Variants in LUZP2 observed in about 807,000 individuals in gnomAD.
LUZP2 encodes leucine zipper protein 2.
LUZP2 carries 52 observed loss-of-function variants against 51.6 expected under a neutral mutation model. The observed-to-expected ratio is 1.01, with a 90% CI of 0.81 to 1.27. LUZP2 has a LOEUF of 1.27. Ranked by LOEUF, LUZP2 falls within the 50% of genes most tolerant of loss-of-function variation. The pLI is 0.00. For synonymous variants in LUZP2, 154 were observed against 137.3 expected (o/e 1.12, Z -0.85); for missense variants, 436 against 395.4 (o/e 1.10, Z -0.87).
intron 1 of LUZP2, among the ~76,000 whole-genome samples, chr11:24,498,029 G>A (rs1485724658): frequency 6.6e-6 from 1 of 152,166 alleles, no homozygotes; most frequent in Non-Finnish European, 1.5e-5. Flanking sequence ...TATTTTTGGT[G>A]GAGATTTAAA....
chr11:24,498,224 A>C (rs1237302027), intron 1 of LUZP2, among the ~76,000 whole-genome samples: 1 of 152,216 alleles, frequency 6.6e-6, no homozygotes, highest in Non-Finnish European at 1.5e-5. Context: ...GGCTACTATA[A>C]AATAAAATAA....
rs1359188664 is a variant in LUZP2, at chr11:25,079,937, A to G, written c.*1279A>G. On this transcript the variant is annotated 3_prime_UTR_variant, in exon 12 of 12. Coordinates refer to ENST00000336930, the MANE Select transcript of LUZP2 (RefSeq NM_001009909.4). ...ATGTATTAAAGGAAATCTTTAATCA[A>G]TAAATGAACTTAGATTCTGAGATTT... 1.3e-5 allele frequency: 2 copies of G among 152,210 alleles called. No individual in the cohort carries two copies. The highest frequency in any genetic ancestry group is 4.8e-5 in the African/African-American group (2 of 41,464). The allele number at this position is 152,210 out of a possible 1,614,324, so 9.4% of individuals were successfully genotyped here.
chr11:24,693,187 T>TA (rs1051249769), intron 1 of LUZP2, among the ~76,000 whole-genome samples: 2 of 151,904 alleles, frequency 1.3e-5, no homozygotes, highest in African/African-American at 4.8e-5. Flanking sequence ...CTGCATTTTT[T>TA]ATTCTTGTTC....
intron 7 of LUZP2, among the ~76,000 whole-genome samples, chr11:24,927,723 C>T (rs1854320377): frequency 6.6e-6 from 1 of 151,752 alleles, no homozygotes; most frequent in Admixed American, 6.6e-5. Flanking sequence ...GCTATGTGGG[C>T]TTCTTTTGGT....
chr11:24,676,669 T>C (rs986934726), intron 1 of LUZP2, among the ~76,000 whole-genome samples: 3 of 130,436 alleles, frequency 2.3e-5, no homozygotes, highest in African/African-American at 8.4e-5. Context: ...TTGTTTTTTT[T>C]TTGTTTGTTT....
chr11:24,738,244 A>T lies in LUZP2; in HGVS notation c.275A>T (p.Glu92Val). Residue 92 changes from glutamate to valine, a missense_variant, in exon 4 of 12, where the codon GAG becomes GTG. Physicochemically the swap from Glu to Val is moderately radical, Grantham distance 121. Coordinates refer to ENST00000336930, the MANE Select transcript of LUZP2 (RefSeq NM_001009909.4). ...KQREEMKSLQ[E>V]ALQNQLKETS... The stretch of plus-strand genomic sequence containing the variant: ...AGAGAAGAAATGAAGTCTCTTCAGG[A>T]GGCCCTGCAAAATCAGCTTAAGGAG... 1.2e-6 allele frequency: 2 copies of T among 1,611,756 alleles called. No homozygotes were observed. Among genetic ancestry groups the T allele is most frequent in the Non-Finnish European group, 1.7e-6 (2 of 1,178,318 alleles).
At chr11:25,039,703 A>T (rs901414679) in intron 9 of LUZP2, among the ~76,000 whole-genome samples, 1 of 152,226 alleles carries the variant, frequency 6.6e-6, no homozygotes, top group African/African-American at 2.4e-5. Flanking sequence ...AAGTGAGATG[A>T]GTAGTCCCCC....
chr11:25,064,710 G>T (rs1858948621), intron 10 of LUZP2, among the ~76,000 whole-genome samples: 1 of 151,774 alleles, frequency 6.6e-6, no homozygotes, highest in Admixed American at 6.6e-5. Context: ...TTTGATTTTG[G>T]ACTGTCTCTC....
chr11:25,020,509 C>T (rs965850765), intron 9 of LUZP2, among the ~76,000 whole-genome samples: 1 of 151,902 alleles, frequency 6.6e-6, no homozygotes, highest in African/African-American at 2.4e-5. Flanking sequence ...ATCACTCATT[C>T]TTGCAGCACT....
At chr11:24,885,558 G>A (rs1398282280) in intron 5 of LUZP2, among the ~76,000 whole-genome samples, 1 of 152,122 alleles carries the variant, frequency 6.6e-6, no homozygotes, top group African/African-American at 2.4e-5. Context: ...AAGTGATATT[G>A]TATGGGTGAG....
chr11:24,790,990 T>C (rs1349981092), intron 5 of LUZP2, among the ~76,000 whole-genome samples: 2 of 152,214 alleles, frequency 1.3e-5, no homozygotes, highest in African/African-American at 2.4e-5. Context: ...TATATTCTGC[T>C]CAGACCACTC....
chr11:24,943,877 CAA>C (rs33998362), intron 7 of LUZP2, among the ~76,000 whole-genome samples: 9,500 of 103,326 alleles, frequency 0.092, 983 homozygotes, highest in African/African-American at 0.29. Context: ...GACTCCATCT[CAA>C]AAAAAAAAAA....
chr11:24,838,218 TAAA>T (rs1483332627), intron 5 of LUZP2, among the ~76,000 whole-genome samples: 1 of 151,750 alleles, frequency 6.6e-6, no homozygotes, highest in African/African-American at 2.4e-5. Flanking sequence ...GGCTTTACTG[TAAA>T]TAAATGGGTA....
chr11:24,525,639 A>G (rs1850774611), intron 1 of LUZP2, among the ~76,000 whole-genome samples: 1 of 149,364 alleles, frequency 6.7e-6, no homozygotes, highest in Non-Finnish European at 1.5e-5. Flanking sequence ...TTTTTAATAT[A>G]CTGCTTTTTT....
chr11:24,675,424 C>T lies in LUZP2; in HGVS notation c.63-53745C>T, dbSNP rs904866149. 2.6e-5 allele frequency among the ~76,000 whole-genome samples: 4 copies of T among 152,128 alleles called. No homozygotes were observed. In the East Asian group the frequency reaches 7.7e-4, roughly 29 times the overall value. On this transcript the variant is annotated intron_variant, in intron 1 of 11. Transcript: ENST00000336930. ...TACAAATTAGATGGTCAAATTTTTG[C>T]TTATTTGTTAAATTTTAGAGTTTTC...
chr11:24,899,129 A>G (rs1268069554), intron 5 of LUZP2, among the ~76,000 whole-genome samples: 1 of 152,170 alleles, frequency 6.6e-6, no homozygotes, highest in African/African-American at 2.4e-5. Context: ...TTCTAAACTT[A>G]TTCACTTGCA....
intron 9 of LUZP2, among the ~76,000 whole-genome samples, chr11:25,043,584 A>G (rs552450764): frequency 6.6e-6 from 1 of 150,998 alleles, no homozygotes; most frequent in Non-Finnish European, 1.5e-5. Flanking sequence ...AGGATATATG[A>G]TATATATATA....
intron 5 of LUZP2, among the ~76,000 whole-genome samples, chr11:24,769,291 G>A (rs1860312254): frequency 1.3e-5 from 2 of 152,180 alleles, no homozygotes; most frequent in African/African-American, 2.4e-5. Flanking sequence ...TTAAAGTTAG[G>A]TAGGAGAAAT....
intron 1 of LUZP2, among the ~76,000 whole-genome samples, chr11:24,540,164 G>A (rs1851312869): frequency 6.6e-6 from 1 of 152,038 alleles, no homozygotes; most frequent in Non-Finnish European, 1.5e-5. Context: ...AAACATAAAA[G>A]CATATCAAGG....
Sources: gnomAD v4.1 joint callset for allele counts (sites outside exome capture counted in the v4.1 genomes callset) on GRCh38, gnomAD v4.1.1 for gene constraint, MANE v1.5 for transcripts, NCBI Gene and HGNC (gene_info 2026-07-23, HGNC 2026-07-21) for gene names.